LRRC4C: variants seen among roughly 807,000 people sequenced by gnomAD.
LRRC4C encodes the protein leucine rich repeat containing 4C.
In LRRC4C, 5 loss-of-function variants were observed where a neutral mutation model predicts 33.6. The ratio of observed to expected loss-of-function variants is 0.15; its 90% CI spans 0.08 to 0.31. The LOEUF (loss-of-function observed/expected upper bound fraction) is 0.31, where lower values mean the gene tolerates loss of function less well. LRRC4C is among the 10% of genes least tolerant of loss of function. LRRC4C has a pLI of 1.00. For missense variants in LRRC4C, 560 were observed against 796.7 expected (o/e 0.70, Z 3.58); for synonymous variants, 329 against 302.0 (o/e 1.09, Z -0.93).
At chr11:40,563,181 C>T (rs939000393) in intron 3 of LRRC4C, among the ~76,000 whole-genome samples, 1 of 152,120 alleles carries the variant, frequency 6.6e-6, no homozygotes, top group Non-Finnish European at 1.5e-5. Flanking sequence ...TTACATTTCT[C>T]ATTTTTGTAC....
chr11:41,448,152 C>CTTTTTT (rs1955896748), intron 1 of LRRC4C, among the ~76,000 whole-genome samples: 4 of 33,542 alleles, frequency 1.2e-4, no homozygotes, highest in African/African-American at 2.7e-4. Context: ...TGGAGCTTTA[C>CTTTTTT]TTCATCAGTG....
intron 2 of LRRC4C, among the ~76,000 whole-genome samples, chr11:40,726,471 T>C (rs542928430): frequency 6.6e-6 from 1 of 152,306 alleles, no homozygotes; most frequent in African/African-American, 2.4e-5. Context: ...GTAGCCTTCA[T>C]TCCTGGGAAG....
intron 1 of LRRC4C, among the ~76,000 whole-genome samples, chr11:40,989,877 TAAA>T (rs1265894580): frequency 3.3e-5 from 5 of 151,406 alleles, no homozygotes; most frequent in African/African-American, 1.2e-4. Flanking sequence ...CAGAAAAAAA[TAAA>T]AAATAAAAAA....
chr11:40,302,054 T>C (rs2136672356), intron 4 of LRRC4C, among the ~76,000 whole-genome samples: 1 of 152,340 alleles, frequency 6.6e-6, no homozygotes, highest in South Asian at 2.1e-4. Context: ...TCACTATACA[T>C]ATCTACCTAA....
intron 3 of LRRC4C, among the ~76,000 whole-genome samples, chr11:40,634,805 G>C (rs981789086): frequency 2.0e-5 from 3 of 152,076 alleles, no homozygotes; most frequent in African/African-American, 7.2e-5. Context: ...GGGGGGTGTT[G>C]TTTGAGTCCA....
chr11:40,334,499 A>T (rs1389787353), intron 3 of LRRC4C, among the ~76,000 whole-genome samples: 1 of 152,158 alleles, frequency 6.6e-6, no homozygotes, highest in African/African-American at 2.4e-5. Flanking sequence ...GAAGGTAATT[A>T]CATTTTATTT....
Position 40,964,082 on chromosome 11 carries a change from A to G in LRRC4C, c.-495-30359T>C, listed in dbSNP as rs145066040. The stretch of plus-strand genomic sequence containing the variant: ...TACAAATACCTGCTGCTATTTCTCA[A>G]TGTGCCGCAGTTTCTTCATCTATCA... On this transcript the variant is annotated intron_variant, in intron 1 of 6. Coordinates refer to ENST00000528697, the MANE Select transcript of LRRC4C (RefSeq NM_001258419.2). Among the ~76,000 whole-genome samples the G allele has an allele frequency of 6.3e-4, 96 of 151,634 alleles. 1 individual carries two copies. In the East Asian group the frequency reaches 0.017, roughly 27 times the overall value.
chr11:41,374,040 A>G (rs746217373), intron 1 of LRRC4C, among the ~76,000 whole-genome samples: 1 of 152,126 alleles, frequency 6.6e-6, no homozygotes, highest in Non-Finnish European at 1.5e-5. Context: ...AAATCTCATA[A>G]CCCAATTAGT....
At chr11:41,004,113 G>T (rs1454025410) in intron 1 of LRRC4C, among the ~76,000 whole-genome samples, 1 of 152,108 alleles carries the variant, frequency 6.6e-6, no homozygotes, top group African/African-American at 2.4e-5. Flanking sequence ...TTGTCAATAG[G>T]CCTGTGGTAG....
chr11:40,850,008 T>C (rs1953401712), intron 2 of LRRC4C, among the ~76,000 whole-genome samples: 1 of 151,896 alleles, frequency 6.6e-6, no homozygotes. Context: ...TCTAAACTGG[T>C]TATTCTAGTT....
At chr11:40,946,503 G>C (rs1296148253) in intron 1 of LRRC4C, among the ~76,000 whole-genome samples, 2 of 152,116 alleles carry the variant, frequency 1.3e-5, no homozygotes, top group African/African-American at 2.4e-5. Flanking sequence ...TCTTTGAGAA[G>C]TCTCTAAACC....
At chr11:41,268,572 G>A (rs577237379) in intron 1 of LRRC4C, among the ~76,000 whole-genome samples, 65 of 152,076 alleles carry the variant, frequency 4.3e-4, no homozygotes, top group Non-Finnish European at 8.4e-4. Flanking sequence ...ACCTCATTCT[G>A]TACTTAATTC....
chr11:40,305,333 A>G (rs1944977488), intron 4 of LRRC4C, among the ~76,000 whole-genome samples: 1 of 152,200 alleles, frequency 6.6e-6, no homozygotes, highest in South Asian at 2.1e-4. Flanking sequence ...TGTGTTGTCC[A>G]TGAGAGTACA....
At chr11:40,420,375 G>C (rs1950480009) in intron 3 of LRRC4C, among the ~76,000 whole-genome samples, 1 of 152,174 alleles carries the variant, frequency 6.6e-6, no homozygotes, top group African/African-American at 2.4e-5. Flanking sequence ...TGACAGCCTT[G>C]CTGAATCTTT....
intron 3 of LRRC4C, among the ~76,000 whole-genome samples, chr11:40,563,874 C>A (rs1478764792): frequency 1.3e-5 from 2 of 152,148 alleles, no homozygotes; most frequent in Non-Finnish European, 2.9e-5. Context: ...ACTACAGAGC[C>A]CTCTGTCTCC....
chr11:41,392,548 C>T (rs1953642871), intron 1 of LRRC4C, among the ~76,000 whole-genome samples: 1 of 140,862 alleles, frequency 7.1e-6, no homozygotes, highest in African/African-American at 2.6e-5. Flanking sequence ...CACCACCTCC[C>T]CCAAACAAAC....
intron 2 of LRRC4C, among the ~76,000 whole-genome samples, chr11:40,831,735 G>A (rs1002311185): frequency 6.6e-6 from 1 of 152,068 alleles, no homozygotes; most frequent in Non-Finnish European, 1.5e-5. Flanking sequence ...TTACATGGTG[G>A]CAGGCAAGAG....
intron 3 of LRRC4C, among the ~76,000 whole-genome samples, chr11:40,426,543 T>C (rs1330847895): frequency 6.6e-6 from 1 of 152,178 alleles, no homozygotes; most frequent in Non-Finnish European, 1.5e-5. Context: ...ACCAGTTCAC[T>C]TAGCTCTGCA....
intron 1 of LRRC4C, among the ~76,000 whole-genome samples, chr11:41,385,482 A>G (rs1265912205): frequency 6.6e-6 from 1 of 151,602 alleles, no homozygotes; most frequent in Non-Finnish European, 1.5e-5. Context: ...AATTAGAAAA[A>G]TTTTTGATAT....
Sources: gnomAD v4.1 joint callset for allele counts (sites outside exome capture counted in the v4.1 genomes callset) on GRCh38, gnomAD v4.1.1 for gene constraint, MANE v1.5 for transcripts, NCBI Gene and HGNC (gene_info 2026-07-23, HGNC 2026-07-21) for gene names.